INPP5A: variants seen among roughly 807,000 people sequenced by gnomAD.
INPP5A encodes the protein 43 kDa inositol polyphosphate 5-phophatase.
INPP5A carries 14 observed loss-of-function variants against 65.2 expected under a neutral mutation model. The observed-to-expected ratio is 0.21, with a 90% confidence interval of 0.14 to 0.34. INPP5A has a LOEUF of 0.34. Among genes scored for constraint, INPP5A ranks in the 10% least tolerant of loss-of-function variants. The pLI is 1.00. For synonymous variants in INPP5A, 207 were observed against 208.3 expected (o/e 0.99, Z 0.05); for missense variants, 431 against 545.6 (o/e 0.79, Z 2.09).
chr10:132,677,641 C>T (rs1190183324), intron 4 of INPP5A, among the ~76,000 whole-genome samples: 1 of 152,216 alleles, frequency 6.6e-6, no homozygotes. Context: ...AGTTGCTCCT[C>T]ACCGTGGTAA....
chr10:132,655,844 G>A (rs1413385161), intron 4 of INPP5A, among the ~76,000 whole-genome samples: 1 of 152,250 alleles, frequency 6.6e-6, no homozygotes, highest in Non-Finnish European at 1.5e-5. Context: ...GCTCTGGTTC[G>A]CTTGTCACCC....
At chr10:132,657,810 C>T (rs771137002) in intron 4 of INPP5A, among the ~76,000 whole-genome samples, 5 of 152,226 alleles carry the variant, frequency 3.3e-5, no homozygotes, top group Non-Finnish European at 5.9e-5. Flanking sequence ...CCAGCCCTGC[C>T]CTGGGGCTCG....
chr10:132,633,514 C>T (rs1049750690), intron 2 of INPP5A, among the ~76,000 whole-genome samples: 1 of 152,148 alleles, frequency 6.6e-6, no homozygotes, highest in Non-Finnish European at 1.5e-5. Context: ...TGGGTTCGTA[C>T]TGTCTGAGCC....
Position 132,644,854 on chromosome 10 carries a change from G to C in INPP5A, c.118-1014G>C, listed in dbSNP as rs2072472855. 1.3e-5 allele frequency among the ~76,000 whole-genome samples: 2 copies of C among 152,212 alleles called. No homozygotes were observed. Among genetic ancestry groups the C allele is most frequent in the Non-Finnish European group, 1.5e-5 (1 of 68,046 alleles). The stretch of plus-strand genomic sequence containing the variant: ...GACTGCCTCACATGTGTCCCACCCA[G>C]GGTTTCCTGCCAGGTGAGATGGTTC... On this transcript the variant is annotated intron_variant, in intron 2 of 15. Coordinates refer to ENST00000368594, the MANE Select transcript of INPP5A (RefSeq NM_005539.5). This position sits in a 1 kb window ranked among gnomAD's most constrained non-coding sequence, Gnocchi z 6.5.
chr10:132,703,044 C>T (rs1046644324), intron 6 of INPP5A, among the ~76,000 whole-genome samples: 22 of 152,142 alleles, frequency 1.4e-4, no homozygotes, highest in African/African-American at 5.3e-4. Flanking sequence ...GGACTCCCCT[C>T]CCTCCCGTTG....
chr10:132,561,949 G>T (rs183896671), intron 1 of INPP5A, among the ~76,000 whole-genome samples: 6 of 152,362 alleles, frequency 3.9e-5, no homozygotes, highest in Admixed American at 3.9e-4. Context: ...ATCCCGGCAA[G>T]ATGATTTTAA....
Position 132,646,111 on chromosome 10 carries a change from A to AGGGGTCTTTTCATGGTACT in INPP5A, c.218+143_218+144insGGGGTCTTTTCATGGTACT. 1.1e-5 allele frequency: 7 copies of AGGGGTCTTTTCATGGTACT among 645,448 alleles called. No individual in the cohort carries two copies. The South Asian group carries it at 1.3e-4, about 12-fold the overall frequency. The allele number at this position is 645,448 out of a possible 1,614,324, so 40.0% of individuals were successfully genotyped here. ...CATCTTGGCTGAGTCTCAGTTTTCC[A>AGGGGTCTTTTCATGGTACT]AAGAGAGGAGTGGCCCAGACGTGTG... On this transcript the variant is annotated intron_variant, in intron 3 of 15. Coordinates refer to ENST00000368594, the MANE Select transcript of INPP5A (RefSeq NM_005539.5).
At chr10:132,739,875 C>T (rs1216067272) in intron 9 of INPP5A, among the ~76,000 whole-genome samples, 3 of 152,156 alleles carry the variant, frequency 2.0e-5, no homozygotes, top group Admixed American at 6.5e-5. Flanking sequence ...CCTGTGTGTC[C>T]GTTGGCCCGT....
At chr10:132,614,708 TC>T (rs1174705642) in intron 2 of INPP5A, among the ~76,000 whole-genome samples, 12 of 152,250 alleles carry the variant, frequency 7.9e-5, no homozygotes, top group African/African-American at 2.9e-4. Flanking sequence ...TGTGTTAACA[TC>T]CTGCCCCCAA....
intron 1 of INPP5A, among the ~76,000 whole-genome samples, chr10:132,590,156 C>G (rs1352889340): frequency 1.3e-5 from 2 of 152,160 alleles, no homozygotes; most frequent in African/African-American, 4.8e-5. Flanking sequence ...ATGTGGCTGG[C>G]GAGGGACGCC....
At chr10:132,722,600 C>G (rs1845906496) in intron 8 of INPP5A, among the ~76,000 whole-genome samples, 1 of 152,196 alleles carries the variant, frequency 6.6e-6, no homozygotes. Flanking sequence ...ACCCGTGACT[C>G]TCCCTAAGTC....
chr10:132,689,614 C>T (rs981286488), intron 4 of INPP5A, among the ~76,000 whole-genome samples: 2 of 152,018 alleles, frequency 1.3e-5, no homozygotes, highest in Admixed American at 1.3e-4. Flanking sequence ...CCAGATTTAG[C>T]AAAAGAAAAA....
rs573520605 is a variant in INPP5A at position 132,747,091 on chromosome 10, C to T, written c.733-2426C>T. ...GCAGATGCCTTTTGGGAGACAGAGC[C>T]GTGAATTTCCTGAGCCGCGTCCTGG... On this transcript the variant is annotated intron_variant, in intron 9 of 15. Coordinates refer to ENST00000368594, the MANE Select transcript of INPP5A (RefSeq NM_005539.5). Among the ~76,000 whole-genome samples, 14 of 152,244 alleles carry T rather than the reference C, an allele frequency of 9.2e-5. No homozygotes were observed. In the South Asian group the frequency reaches 2.1e-3, roughly 22 times the overall value.
At chr10:132,670,188 C>CACACACACACACACACA (rs2072865824) in intron 4 of INPP5A, among the ~76,000 whole-genome samples, 1 of 120,112 alleles carries the variant, frequency 8.3e-6, no homozygotes, top group East Asian at 2.7e-4. Context: ...TGACCCCACA[C>CACACACACACACACACA]CCCCTGACCC....
At chr10:132,765,660 G>A (rs1168438357) in intron 11 of INPP5A, 113 bp from the exon 12 acceptor site, 11 of 706,608 alleles carry the variant, frequency 1.6e-5, no homozygotes, top group Non-Finnish European at 2.6e-5. Context: ...TGGCGGCTCT[G>A]GGAAGAGCAG....
chr10:132,775,572 G>C (rs1467493387), intron 12 of INPP5A, among the ~76,000 whole-genome samples: 1 of 152,104 alleles, frequency 6.6e-6, no homozygotes, highest in Non-Finnish European at 1.5e-5. Context: ...GAGCACCCCT[G>C]GCTGTGGATT....
rs957937891 is a variant in INPP5A, at chr10:132,674,572, G to A, written c.307-15820G>A. Among the ~76,000 whole-genome samples the A allele has an allele frequency of 1.3e-5, 2 of 152,158 alleles. No homozygotes were observed. The highest frequency in any genetic ancestry group is 6.5e-5 in the Admixed American group (1 of 15,282). ...GCTGGGGGAGAGAAGGGAGGGTGGC[G>A]GGAGTGGAGACCATGGGCATTTGAG... On this transcript the variant is annotated intron_variant, in intron 4 of 15. Transcript: ENST00000368594. The surrounding 1 kb of genome is among the most constrained non-coding windows in gnomAD (Gnocchi z 4.4).
Position 132,663,246 on chromosome 10 carries a change from G to A in INPP5A, c.306+12741G>A, listed in dbSNP as rs1320058528. On this transcript the variant is annotated intron_variant, in intron 4 of 15. Transcript: ENST00000368594. This position sits in a 1 kb window ranked among gnomAD's most constrained non-coding sequence, Gnocchi z 4.5. ...TTAAATCTTATTTTATTTTGACACA[G>A]GATGTCACTCTGTTGCCCAGGCTGG... Among the ~76,000 whole-genome samples, 1 of 152,150 alleles carries A rather than the reference G, an allele frequency of 6.6e-6. No individual in the cohort carries two copies. Among genetic ancestry groups the A allele is most frequent in the Non-Finnish European group, 1.5e-5 (1 of 68,032 alleles).
At chr10:132,654,470 A>T (rs1022670616) in intron 4 of INPP5A, among the ~76,000 whole-genome samples, 8 of 152,172 alleles carry the variant, frequency 5.3e-5, no homozygotes, top group Non-Finnish European at 1.2e-4. Context: ...CCCCTGGGCC[A>T]CCACTGGCTG....
Sources: allele counts gnomAD v4.1 joint callset (sites outside exome capture counted in the v4.1 genomes callset), GRCh38; gene constraint gnomAD v4.1.1; non-coding constraint Gnocchi (gnomAD v3.1); transcripts MANE v1.5; gene names NCBI Gene and HGNC (gene_info 2026-07-23, HGNC 2026-07-21).